Variants in GAREM1 observed in about 807,000 individuals in gnomAD.
GAREM1 encodes the protein GRB2-associated and regulator of MAPK protein 1.
A neutral mutation model predicts 71.3 loss-of-function variants in GAREM1; 26 were observed. The observed-to-expected ratio is 0.36, with a 90% CI of 0.27 to 0.51. The LOEUF is 0.51. GAREM1 is among the 20% of genes least tolerant of loss of function. The probability of loss-of-function intolerance (pLI) is 0.95; values close to 1 mark genes in which losing one functional copy is unlikely to be tolerated. For missense variants in GAREM1, 1,026 were observed against 1,103.1 expected (o/e 0.93, Z 0.99); for synonymous variants, 440 against 433.2 (o/e 1.02, Z -0.20).
At chr18:32,364,007 T>TATATATAC (rs2047895515) in intron 2 of GAREM1, among the ~76,000 whole-genome samples, 1 of 48,048 alleles carries the variant, frequency 2.1e-5, no homozygotes, top group Non-Finnish European at 3.9e-5. Flanking sequence ...TATATATATA[T>TATATATAC]ATATATATAT....
Position 32,349,541 on chromosome 18 carries a change from A to C in GAREM1, c.263-39218T>G, listed in dbSNP as rs572607183. On this transcript the variant is annotated intron_variant, in intron 2 of 5. Coordinates refer to ENST00000269209, the MANE Select transcript of GAREM1 (RefSeq NM_001242409.2). ...CCTACACAGAGGTATTACTTCCCCC[A>C]AAATAGGTAGATGTCATTGTTATTT... 6.6e-5 allele frequency among the ~76,000 whole-genome samples: 10 copies of C among 152,322 alleles called. No individual in the cohort carries two copies. In the East Asian group the frequency reaches 1.9e-3, roughly 29 times the overall value.
At chr18:32,452,819 C>T (rs1369556799) in intron 1 of GAREM1, among the ~76,000 whole-genome samples, 1 of 151,270 alleles carries the variant, frequency 6.6e-6, no homozygotes, top group African/African-American at 2.4e-5. Context: ...CTTTGAGGAT[C>T]CAGAGAAGGG....
At chr18:32,324,738 C>A (rs2047459710) in intron 2 of GAREM1, among the ~76,000 whole-genome samples, 1 of 152,148 alleles carries the variant, frequency 6.6e-6, no homozygotes, top group Admixed American at 6.5e-5. Context: ...GTTAGAGACA[C>A]ATTTTCACCA....
intron 2 of GAREM1, among the ~76,000 whole-genome samples, chr18:32,346,054 T>G (rs1011213349): frequency 6.6e-6 from 1 of 152,208 alleles, no homozygotes; most frequent in Non-Finnish European, 1.5e-5. Context: ...TACTTGAATA[T>G]ATCACGTATA....
intron 2 of GAREM1, among the ~76,000 whole-genome samples, chr18:32,322,504 C>T (rs1293612956): frequency 1.3e-5 from 2 of 152,052 alleles, no homozygotes; most frequent in Non-Finnish European, 2.9e-5. Context: ...TCAGTTACAA[C>T]ACCTGAAAGA....
At chr18:32,296,802 A>G (rs2047145206) in intron 3 of GAREM1, among the ~76,000 whole-genome samples, 1 of 151,698 alleles carries the variant, frequency 6.6e-6, no homozygotes, top group South Asian at 2.1e-4. Flanking sequence ...CAGCCTCCCA[A>G]GTGGCTGGGA....
rs147380112 is a variant in GAREM1, at chr18:32,454,720, G to A, written c.121+15588C>T. ...ATTCCTTGAGCAGGAAGAGGCTGCTGGAATCATCACTTCTTTCCTTGCCCA... is the reference window on the plus strand; with the variant it reads ...ATTCCTTGAGCAGGAAGAGGCTGCTAGAATCATCACTTCTTTCCTTGCCCA... On this transcript the variant is annotated intron_variant, in intron 1 of 5. Coordinates refer to ENST00000269209, the MANE Select transcript of GAREM1 (RefSeq NM_001242409.2). Among the ~76,000 whole-genome samples, 731 of 152,278 alleles carry A rather than the reference G, an allele frequency of 4.8e-3. 3 individuals are homozygous for A. Among genetic ancestry groups the A allele is most frequent in the Non-Finnish European group, 8.6e-3 (582 of 68,018 alleles).
intron 1 of GAREM1, among the ~76,000 whole-genome samples, chr18:32,414,776 T>G (rs764563475): frequency 4.0e-5 from 6 of 151,868 alleles, no homozygotes; most frequent in Non-Finnish European, 8.8e-5. Context: ...GAAAAAAACC[T>G]TCAAATAACC....
rs781156121 is a variant in GAREM1 at position 32,287,961 on chromosome 18, T to C, written c.636A>G (p.Pro212=). 15 of 1,614,000 alleles carry C rather than the reference T, an allele frequency of 9.3e-6. No individual in the cohort carries two copies. The Admixed American group carries it at 1.7e-4, about 18-fold the overall frequency. The part of the protein sequence containing the change: ...NHRTNESISL[P]FQCKGRFSTR... ...TGCTAAATCTGCCCTTGCACTGGAA[T>C]GGAAGGCTAATGCTTTCGTTGGTCC... Residue 212 remains proline (P), a synonymous_variant, in exon 4 of 6, where the codon CCA becomes CCG. Coordinates refer to ENST00000269209, the MANE Select transcript of GAREM1 (RefSeq NM_001242409.2). This position sits in a 1 kb window ranked among gnomAD's most constrained non-coding sequence, Gnocchi z 5.9.
chr18:32,316,879 C>T (rs2047382748), intron 2 of GAREM1, among the ~76,000 whole-genome samples: 1 of 152,196 alleles, frequency 6.6e-6, no homozygotes, highest in African/African-American at 2.4e-5. Context: ...CAGGAGTTGG[C>T]AAACTTGTTC....
At chr18:32,305,908 C>T (rs636391) in intron 3 of GAREM1, among the ~76,000 whole-genome samples, 12,971 of 152,226 alleles carry the variant, frequency 0.085, 625 homozygotes, top group South Asian at 0.12. Flanking sequence ...GCTATACTCA[C>T]TGGGAGAACC....
chr18:32,430,137 C>T (rs1233709011), intron 1 of GAREM1, among the ~76,000 whole-genome samples: 2 of 152,152 alleles, frequency 1.3e-5, no homozygotes, highest in African/African-American at 2.4e-5. Context: ...AGTACAACTC[C>T]GCAGGCTGTC....
At chr18:32,437,220 G>A (rs1021467975) in intron 1 of GAREM1, among the ~76,000 whole-genome samples, 1 of 152,100 alleles carries the variant, frequency 6.6e-6, no homozygotes, top group South Asian at 2.1e-4. Context: ...GTTATTTCAC[G>A]TGTTACTCAG....
chr18:32,428,170 T>C (rs2048592279), intron 1 of GAREM1, among the ~76,000 whole-genome samples: 1 of 152,244 alleles, frequency 6.6e-6, no homozygotes, highest in Non-Finnish European at 1.5e-5. Flanking sequence ...AAAACTTGTA[T>C]TTGCAAGTTT....
At chr18:32,291,290 T>C (rs1488813642) in intron 3 of GAREM1, among the ~76,000 whole-genome samples, 1 of 137,686 alleles carries the variant, frequency 7.3e-6, no homozygotes, top group Non-Finnish European at 1.6e-5. Flanking sequence ...AAAATTAGTA[T>C]ATACATTTTC....
At chr18:32,274,209 C>G (rs1463754189) in intron 4 of GAREM1, among the ~76,000 whole-genome samples, 2 of 152,170 alleles carry the variant, frequency 1.3e-5, no homozygotes, top group African/African-American at 4.8e-5. Flanking sequence ...TTCTGGGATT[C>G]AGAAGTGACA....
rs2041441990 is a variant in GAREM1 at position 32,270,361 on chromosome 18, A to C, written c.1589T>G (p.Leu530Arg). The change falls in exon 5 of 6, where the codon CTG becomes CGG. Residue 530 changes from leucine (L) to arginine (R), a missense_variant. Physicochemically the swap from Leu to Arg is moderately radical, Grantham distance 102. Coordinates refer to ENST00000269209, the MANE Select transcript of GAREM1 (RefSeq NM_001242409.2). ...SEAVREECRL[L>R]NAPPVPPRSA... ...TCGGGGTGGAACAGGTGGGGCGTTC[A>C]GGAGCCGGCATTCTTCTCTGACCTG... 1 of 1,613,114 alleles carries C rather than the reference A, an allele frequency of 6.2e-7. No individual in the cohort carries two copies.
chr18:32,448,398 G>A (rs1230361982), intron 1 of GAREM1, among the ~76,000 whole-genome samples: 1 of 152,182 alleles, frequency 6.6e-6, no homozygotes, highest in East Asian at 1.9e-4. Context: ...CCACATCCCC[G>A]ATCATGTCTG....
chr18:32,285,772 C>A (rs1045322940), intron 4 of GAREM1, among the ~76,000 whole-genome samples: 1 of 152,182 alleles, frequency 6.6e-6, no homozygotes, highest in African/African-American at 2.4e-5. Context: ...AAAACTGAGA[C>A]GTACGAGGGG....
Sources: gnomAD v4.1 joint callset for allele counts (sites outside exome capture counted in the v4.1 genomes callset) on GRCh38, gnomAD v4.1.1 for gene constraint, Gnocchi (gnomAD v3.1) non-coding constraint, MANE v1.5 for transcripts, NCBI Gene and HGNC (gene_info 2026-07-23, HGNC 2026-07-21) for gene names.